The following CADPS2 variants were observed in gnomAD, a reference collection of about 807,000 sequenced individuals.
CADPS2 encodes calcium dependent secretion activator 2, also known as calcium-dependent secretion activator 2.
CADPS2 carries 93 observed loss-of-function variants against 172.5 expected under a neutral mutation model. That is an observed-to-expected ratio of 0.54 (90% CI 0.46 to 0.64). CADPS2 has a LOEUF of 0.64. Ranked by LOEUF, CADPS2 falls within the 30% of genes least tolerant of loss-of-function variation. The pLI is 0.00. For missense variants in CADPS2, 1,420 were observed against 1,565.9 expected, an observed-to-expected ratio of 0.91 and a Z score of 1.57; for synonymous variants, 546 against 555.2, an observed-to-expected ratio of 0.98 and a Z score of 0.23.
At chr7:122,741,515 GA>G (rs2092473402) in intron 1 of CADPS2, among the ~76,000 whole-genome samples, 1 of 152,060 alleles carries the variant, frequency 6.6e-6, no homozygotes, top group Admixed American at 6.6e-5. Flanking sequence ...ACGGAGACTG[GA>G]CAGCACACCA....
At chr7:122,600,149 G>A (rs1432298495) in intron 6 of CADPS2, among the ~76,000 whole-genome samples, 1 of 152,080 alleles carries the variant, frequency 6.6e-6, no homozygotes, top group African/African-American at 2.4e-5. Context: ...CATCCAGGCC[G>A]TCAGAAGCTA....
At position 122,760,849 on chromosome 7, in the gene CADPS2, T is replaced by C. The variant is rs191775266; in HGVS notation, c.340-23781A>G. On this transcript the variant is annotated intron_variant, in intron 1 of 29. Coordinates refer to ENST00000449022, the MANE Select transcript of CADPS2 (RefSeq NM_017954.11). ...AGGGGGGCGGGATAGCATTTGGAGATATACCTAATGTTAAATGACGAGTTA... is the reference window on the plus strand; with the variant it reads ...AGGGGGGCGGGATAGCATTTGGAGACATACCTAATGTTAAATGACGAGTTA... Among the ~76,000 whole-genome samples the C allele has an allele frequency of 2.8e-3, 424 of 150,020 alleles. 5 individuals carry two copies. The highest frequency in any genetic ancestry group is 0.01 in the African/African-American group (416 of 41,008).
intron 22 of CADPS2, 62 bp from the exon 23 acceptor site, chr7:122,388,800 C>A: frequency 7.1e-7 from 1 of 1,406,112 alleles, no homozygotes. Context: ...ACCATTAATA[C>A]ATTGTTTTTT....
chr7:122,585,282 GA>G (rs2069480528), intron 6 of CADPS2, among the ~76,000 whole-genome samples: 2 of 151,770 alleles, frequency 1.3e-5, no homozygotes, highest in African/African-American at 4.8e-5. Flanking sequence ...CAATAAATAA[GA>G]AACTTTCTTA....
chr7:122,482,955 A>G (rs2057452760), intron 11 of CADPS2, among the ~76,000 whole-genome samples: 1 of 152,210 alleles, frequency 6.6e-6, no homozygotes, highest in Non-Finnish European at 1.5e-5. Flanking sequence ...CCCCAAACTC[A>G]CACAGCCTAG....
intron 7 of CADPS2, among the ~76,000 whole-genome samples, chr7:122,576,719 G>A (rs978048517): frequency 2.6e-5 from 4 of 151,974 alleles, no homozygotes; most frequent in African/African-American, 4.8e-5. Flanking sequence ...CTGGATCACC[G>A]GGATGGTTTC....
intron 1 of CADPS2, among the ~76,000 whole-genome samples, chr7:122,791,128 C>T (rs915764999): frequency 5.3e-5 from 8 of 152,092 alleles, no homozygotes; most frequent in African/African-American, 1.9e-4. Flanking sequence ...ATTGTATCAA[C>T]GGCGCGAGGA....
chr7:122,610,344 A>G (rs1015933645), intron 6 of CADPS2, among the ~76,000 whole-genome samples: 1 of 152,092 alleles, frequency 6.6e-6, no homozygotes, highest in Non-Finnish European at 1.5e-5. Context: ...TGTTAAAATA[A>G]CGTAACTTCA....
intron 1 of CADPS2, among the ~76,000 whole-genome samples, chr7:122,870,005 AC>A (rs951235067): frequency 2.8e-4 from 42 of 152,080 alleles, no homozygotes; most frequent in African/African-American, 9.7e-4. Flanking sequence ...AAATCCTCAA[AC>A]CACAAAGGAA....
At chr7:122,811,125 G>A (rs751449348) in intron 1 of CADPS2, among the ~76,000 whole-genome samples, 3 of 152,104 alleles carry the variant, frequency 2.0e-5, no homozygotes, top group Non-Finnish European at 2.9e-5. Flanking sequence ...GACAAGATAG[G>A]CAAATGAACC....
chr7:122,390,394 C>A (rs942941508), intron 22 of CADPS2, among the ~76,000 whole-genome samples: 4 of 152,056 alleles, frequency 2.6e-5, no homozygotes, highest in Admixed American at 6.6e-5. Flanking sequence ...ATTAGAGGAA[C>A]TGAGTTTTAA....
At chr7:122,871,029 T>C (rs1819605958) in intron 1 of CADPS2, among the ~76,000 whole-genome samples, 1 of 151,992 alleles carries the variant, frequency 6.6e-6, no homozygotes, top group Non-Finnish European at 1.5e-5. Flanking sequence ...CAAATATTAA[T>C]CACTTTATTG....
chr7:122,547,194 C>T (rs1185990231), intron 8 of CADPS2, among the ~76,000 whole-genome samples: 1 of 151,884 alleles, frequency 6.6e-6, no homozygotes, highest in Non-Finnish European at 1.5e-5. Flanking sequence ...AAACTTCTTC[C>T]TACAGTTCAA....
chr7:122,334,179 T>C (rs2035465981), intron 28 of CADPS2, among the ~76,000 whole-genome samples: 1 of 152,164 alleles, frequency 6.6e-6, no homozygotes, highest in South Asian at 2.1e-4. Context: ...TAAACTTTCA[T>C]ATCTATGTAC....
chr7:122,354,660 C>T (rs2039138384), intron 27 of CADPS2, among the ~76,000 whole-genome samples: 1 of 152,066 alleles, frequency 6.6e-6, no homozygotes, highest in East Asian at 1.9e-4. Context: ...CTAATATGAA[C>T]ATTTTCATCC....
chr7:122,752,896 A>G (rs2093008448), intron 1 of CADPS2, among the ~76,000 whole-genome samples: 1 of 152,194 alleles, frequency 6.6e-6, no homozygotes, highest in Admixed American at 6.5e-5. Context: ...GAGAAAAGAA[A>G]GACAAACAAG....
chr7:122,432,502 G>A (rs529342793), intron 17 of CADPS2, among the ~76,000 whole-genome samples: 113 of 151,994 alleles, frequency 7.4e-4, no homozygotes, highest in Admixed American at 1.8e-3. Context: ...TTAGCCAGGC[G>A]TGGTGGCAGA....
intron 27 of CADPS2, among the ~76,000 whole-genome samples, chr7:122,355,660 C>A (rs1404444897): frequency 1.3e-5 from 2 of 151,734 alleles, no homozygotes; most frequent in Non-Finnish European, 2.9e-5. Flanking sequence ...TTTTTTCTAG[C>A]TCTTTATCTT....
At chr7:122,780,064 T>C (rs1455718701) in intron 1 of CADPS2, among the ~76,000 whole-genome samples, 1 of 152,180 alleles carries the variant, frequency 6.6e-6, no homozygotes, top group Non-Finnish European at 1.5e-5. Flanking sequence ...TTTCCATAAT[T>C]TTAGGAGAAA....
Sources: allele counts gnomAD v4.1 joint callset (sites outside exome capture counted in the v4.1 genomes callset), GRCh38; gene constraint gnomAD v4.1.1; transcripts MANE v1.5; gene names NCBI Gene and HGNC (gene_info 2026-07-23, HGNC 2026-07-21).